Variants in ADAMTS18 observed in about 807,000 individuals in gnomAD.
ADAMTS18 encodes the protein A disintegrin and metalloproteinase with thrombospondin motifs 18.
Under a neutral mutation model 165.9 loss-of-function variants are expected in ADAMTS18, and 157 were observed. The observed-to-expected ratio is 0.95, with a 90% CI of 0.83 to 1.08. The LOEUF (loss-of-function observed/expected upper bound fraction) is 1.08, where lower values mean the gene tolerates loss of function less well. Ranked by LOEUF, ADAMTS18 falls within the 50% of genes least tolerant of loss-of-function variation. The pLI, the probability that ADAMTS18 is intolerant of heterozygous loss-of-function variation, is 0.00. For synonymous variants in ADAMTS18, 782 were observed against 578.2 expected, an observed-to-expected ratio of 1.35 and a Z score of -5.06; for missense variants, 2,040 against 1,534.0, an observed-to-expected ratio of 1.33 and a Z score of -5.51.
intron 3 of ADAMTS18, among the ~76,000 whole-genome samples, chr16:77,370,606 C>A (rs1383624669): frequency 6.6e-6 from 1 of 151,830 alleles, no homozygotes; most frequent in Non-Finnish European, 1.5e-5. Context: ...AAAAATTAGC[C>A]GGGCATGATG....
chr16:77,380,495 G>A (rs542655350), intron 3 of ADAMTS18, among the ~76,000 whole-genome samples: 2 of 152,298 alleles, frequency 1.3e-5, no homozygotes, highest in African/African-American at 4.8e-5. Context: ...AGTTATGCCT[G>A]TGCCCATTCT....
At position 77,367,454 on chromosome 16, in the gene ADAMTS18, T is replaced by C. The variant is rs1303979957; in HGVS notation, c.765A>G (p.Gly255=). The C allele has an allele frequency of 4.3e-6, 7 of 1,614,190 alleles. No individual in the cohort carries two copies. In the Admixed American group the frequency reaches 5.0e-5, roughly 12 times the overall value. ...HRRLQKQHFC[G]RRKKYAPKPP... is the part of the protein sequence containing the mutation. ...TTCCTTACATACATTTCTTGCGTCG[T>C]CCACAAAAATGCTGCTTTTGCAACC... The change falls in exon 4 of 23, where the codon GGA becomes GGG. Residue 255 remains glycine (G), a synonymous_variant. Coordinates refer to ENST00000282849, the MANE Select transcript of ADAMTS18 (RefSeq NM_199355.4).
intron 11 of ADAMTS18, among the ~76,000 whole-genome samples, chr16:77,336,404 C>T (rs2056311524): frequency 1.3e-5 from 2 of 152,184 alleles, no homozygotes; most frequent in African/African-American, 4.8e-5. Flanking sequence ...GAATGATTAT[C>T]TTATCATAAA....
At chr16:77,314,225 A>G (rs2055837728) in intron 16 of ADAMTS18, among the ~76,000 whole-genome samples, 1 of 152,220 alleles carries the variant, frequency 6.6e-6, no homozygotes, top group Admixed American at 6.5e-5. Context: ...AAACTCAAGT[A>G]TCTCCTGGGA....
rs1292471359 is a variant in ADAMTS18 at position 77,322,423 on chromosome 16, T to A, written c.2076A>T (p.Glu692Asp). ...CKLYCKAENF[E>D]FFFAMSGKVK... ...CTTTGCCGGACATTGCAAAAAAAAATTCAAAGTTCTCAGCCTTGCAGTACA... is the reference window on the plus strand; with the variant it reads ...CTTTGCCGGACATTGCAAAAAAAAAATCAAAGTTCTCAGCCTTGCAGTACA... Residue 692 changes from glutamate (E) to aspartate (D), a missense_variant, in exon 14 of 23, where the codon GAA becomes GAT. Glu to Asp is a conservative substitution (Grantham distance 45, BLOSUM62 2). Transcript: ENST00000282849. The A allele has an allele frequency of 1.2e-6, 2 of 1,613,778 alleles. No individual in the cohort carries two copies. Among genetic ancestry groups the A allele is most frequent in the South Asian group, 1.1e-5 (1 of 91,078 alleles).
At chr16:77,409,591 T>G (rs908770287) in intron 3 of ADAMTS18, among the ~76,000 whole-genome samples, 3 of 152,184 alleles carry the variant, frequency 2.0e-5, no homozygotes, top group Non-Finnish European at 2.9e-5. Context: ...ATGTGCTCTG[T>G]TCGGGGCTTG....
At chr16:77,339,791 G>A (rs1191356386) in intron 11 of ADAMTS18, among the ~76,000 whole-genome samples, 5 of 151,506 alleles carry the variant, frequency 3.3e-5, no homozygotes, top group South Asian at 4.2e-4. Context: ...GACCACTATC[G>A]GATTAAAAAT....
intron 16 of ADAMTS18, among the ~76,000 whole-genome samples, chr16:77,301,854 T>A (rs1417273199): frequency 6.6e-6 from 1 of 152,212 alleles, no homozygotes; most frequent in African/African-American, 2.4e-5. Flanking sequence ...TAGATGGATC[T>A]GTGTTCCCCC....
intron 16 of ADAMTS18, among the ~76,000 whole-genome samples, chr16:77,304,168 G>C (rs2055640524): frequency 6.6e-6 from 1 of 152,164 alleles, no homozygotes; most frequent in South Asian, 2.1e-4. Context: ...GATGATTATA[G>C]CGAAGAAGAC....
chr16:77,376,915 A>G (rs1186218647), intron 3 of ADAMTS18, among the ~76,000 whole-genome samples: 1 of 150,534 alleles, frequency 6.6e-6, no homozygotes, highest in Non-Finnish European at 1.5e-5. Flanking sequence ...CCCAGGTTCA[A>G]GCGATTCTTC....
At chr16:77,355,804 T>C in intron 9 of ADAMTS18, 136 bp downstream of exon 9, 1 of 1,073,950 alleles carries the variant, frequency 9.3e-7, no homozygotes, top group East Asian at 2.4e-5. Context: ...ACCATCATCA[T>C]TATCATCATC....
intron 8 of ADAMTS18, among the ~76,000 whole-genome samples, chr16:77,358,118 T>C (rs1415282134): frequency 6.6e-6 from 1 of 152,248 alleles, no homozygotes; most frequent in African/African-American, 2.4e-5. Context: ...TTTTCGCTTC[T>C]CCATTTACAA....
rs570539121 is a variant in ADAMTS18, at chr16:77,355,683, A to C, written c.1460+257T>G. On this transcript the variant is annotated intron_variant, in intron 9 of 22. Transcript: ENST00000282849. Reference sequence around the variant, plus strand: ...AATTAACCTAAGACTTGATTTCTCAACTCTAGATTGAGGATAATAGTATCG... The same window carrying C: ...AATTAACCTAAGACTTGATTTCTCACCTCTAGATTGAGGATAATAGTATCG... 3.9e-5 allele frequency among the ~76,000 whole-genome samples: 6 copies of C among 152,154 alleles called. No homozygotes were observed. The South Asian group carries it at 6.2e-4, about 16-fold the overall frequency.
intron 3 of ADAMTS18, among the ~76,000 whole-genome samples, chr16:77,378,414 T>C (rs1157506096): frequency 5.9e-5 from 9 of 151,862 alleles, no homozygotes; most frequent in Admixed American, 4.6e-4. Flanking sequence ...GAGTTAATAC[T>C]TTTAATGTGC....
intron 10 of ADAMTS18, among the ~76,000 whole-genome samples, chr16:77,346,602 A>G (rs1276453644): frequency 6.6e-6 from 1 of 152,172 alleles, no homozygotes; most frequent in Admixed American, 6.6e-5. Flanking sequence ...TCTCCTCAAC[A>G]TGCTCATGAG....
At chr16:77,332,024 G>A (rs1388318475) in intron 12 of ADAMTS18, among the ~76,000 whole-genome samples, 1 of 152,116 alleles carries the variant, frequency 6.6e-6, no homozygotes, top group African/African-American at 2.4e-5. Flanking sequence ...TGACATGTCA[G>A]ACCCTCTTCT....
chr16:77,348,477 C>T (rs1386234936), intron 10 of ADAMTS18, among the ~76,000 whole-genome samples: 1 of 152,164 alleles, frequency 6.6e-6, no homozygotes, highest in Admixed American at 6.5e-5. Flanking sequence ...ACAGGCAGCA[C>T]AAGAGAGAAG....
At chr16:77,292,815 C>G (rs570175122) in intron 20 of ADAMTS18, among the ~76,000 whole-genome samples, 88 of 152,028 alleles carry the variant, frequency 5.8e-4, no homozygotes, top group Non-Finnish European at 1.1e-3. Flanking sequence ...CTCAAGAAAC[C>G]TCCAGCAGTG....
intron 3 of ADAMTS18, among the ~76,000 whole-genome samples, chr16:77,417,156 G>C (rs1019810196): frequency 6.6e-6 from 1 of 151,860 alleles, no homozygotes; most frequent in African/African-American, 2.4e-5. Flanking sequence ...AAATGTCCAA[G>C]AATTTAGGAA....
Sources: allele counts gnomAD v4.1 joint callset (sites outside exome capture counted in the v4.1 genomes callset), GRCh38; gene constraint gnomAD v4.1.1; transcripts MANE v1.5; gene names NCBI Gene and HGNC (gene_info 2026-07-23, HGNC 2026-07-21).